Variants in KIAA1217 observed in about 807,000 individuals in gnomAD.
The protein encoded by KIAA1217 is KIAA1217.
In KIAA1217, 88 loss-of-function variants were observed where a neutral mutation model predicts 163.9. That is an observed-to-expected ratio of 0.54 (90% confidence interval 0.45 to 0.64). KIAA1217 has a LOEUF of 0.64. KIAA1217 is among the 30% of genes least tolerant of loss of function. The pLI is 0.00. For synonymous variants in KIAA1217, 903 were observed against 923.1 expected, an observed-to-expected ratio of 0.98 and a Z score of 0.39; for missense variants, 2,372 against 2,475.0, an observed-to-expected ratio of 0.96 and a Z score of 0.88.
intron 2 of KIAA1217, among the ~76,000 whole-genome samples, chr10:24,225,374 T>C (rs1265539014): frequency 6.6e-6 from 1 of 152,174 alleles, no homozygotes; most frequent in Non-Finnish European, 1.5e-5. Context: ...TCCTCTCGCT[T>C]TGACCTCCTA....
chr10:24,305,658 T>A (rs2041925877), intron 2 of KIAA1217, among the ~76,000 whole-genome samples: 2 of 152,234 alleles, frequency 1.3e-5, no homozygotes. Flanking sequence ...GTTATGTTTC[T>A]GTAACTGTTA....
At chr10:24,136,746 T>A (rs1220186065) in intron 2 of KIAA1217, among the ~76,000 whole-genome samples, 1 of 152,230 alleles carries the variant, frequency 6.6e-6, no homozygotes, top group Non-Finnish European at 1.5e-5. Context: ...ACAACATATT[T>A]TGAGTCTGGT....
At chr10:24,395,688 TAA>T (rs1174063919) in intron 3 of KIAA1217, among the ~76,000 whole-genome samples, 9 of 152,282 alleles carry the variant, frequency 5.9e-5, no homozygotes, top group African/African-American at 2.2e-4. Context: ...AGCCTTTTTT[TAA>T]GAGACAGAGT....
chr10:24,410,812 C>T (rs900230667), intron 3 of KIAA1217, among the ~76,000 whole-genome samples: 3 of 152,194 alleles, frequency 2.0e-5, no homozygotes, highest in African/African-American at 7.2e-5. Flanking sequence ...TTTTGTTTTT[C>T]AGCATAAAAG....
At chr10:24,482,996 G>A (rs2064903008) in intron 6 of KIAA1217, 1 of 151,242 alleles carries the variant, frequency 6.6e-6, no homozygotes, top group South Asian at 2.1e-4. Flanking sequence ...CTCCAGCCTG[G>A]GCAACAGAGC....
At chr10:23,968,588 C>T (rs1413888646) in intron 1 of KIAA1217, among the ~76,000 whole-genome samples, 1 of 152,196 alleles carries the variant, frequency 6.6e-6, no homozygotes, top group Non-Finnish European at 1.5e-5. Flanking sequence ...TTTTTGACCT[C>T]CTCATAAGAA....
At chr10:24,116,553 T>G (rs1285557440) in intron 2 of KIAA1217, among the ~76,000 whole-genome samples, 1 of 152,152 alleles carries the variant, frequency 6.6e-6, no homozygotes, top group African/African-American at 2.4e-5. Flanking sequence ...CCAATAAAAC[T>G]TTATTTACAA....
At chr10:24,117,924 C>A (rs1564721526) in intron 2 of KIAA1217, among the ~76,000 whole-genome samples, 1 of 151,712 alleles carries the variant, frequency 6.6e-6, no homozygotes, top group Non-Finnish European at 1.5e-5. Flanking sequence ...AATGCACTCA[C>A]AAAATGCATG....
chr10:24,251,158 G>A lies in KIAA1217; in HGVS notation c.354+31249G>A, dbSNP rs139938342. Among the ~76,000 whole-genome samples, 1,154 of 151,444 alleles carry A rather than the reference G, an allele frequency of 7.6e-3. 14 individuals are homozygous for A. Among genetic ancestry groups the A allele is most frequent in the African/African-American group, 0.027 (1,096 of 41,274 alleles). On this transcript the variant is annotated intron_variant, in intron 2 of 20. Coordinates refer to ENST00000376454, the MANE Select transcript of KIAA1217 (RefSeq NM_019590.5). ...TGAGAATCACTTGAACCCAGGAGGC[G>A]GAGGTTGCAGTGAGCCGAGATCACA...
intron 5 of KIAA1217, among the ~76,000 whole-genome samples, chr10:24,454,974 A>G (rs1405844162): frequency 6.6e-6 from 1 of 152,152 alleles, no homozygotes; most frequent in Non-Finnish European, 1.5e-5. Context: ...ATATATTTAG[A>G]CCAAGGAGCC....
At chr10:24,375,406 G>T (rs1290919556) in intron 2 of KIAA1217, among the ~76,000 whole-genome samples, 1 of 152,238 alleles carries the variant, frequency 6.6e-6, no homozygotes, top group African/African-American at 2.4e-5. Flanking sequence ...AGCTTCCAAA[G>T]TGAGAGTTTA....
chr10:23,773,526 G>C (rs1038934589), intron 1 of KIAA1217, among the ~76,000 whole-genome samples: 3 of 151,860 alleles, frequency 2.0e-5, no homozygotes, highest in Admixed American at 2.0e-4. Context: ...TGATGGGGAT[G>C]GCATTGAATC....
intron 1 of KIAA1217, among the ~76,000 whole-genome samples, chr10:23,759,560 T>C (rs1449449438): frequency 6.6e-6 from 1 of 152,242 alleles, no homozygotes; most frequent in East Asian, 1.9e-4. Context: ...TATATGGCTC[T>C]TTTACGATGA....
intron 2 of KIAA1217, among the ~76,000 whole-genome samples, chr10:24,199,215 G>A (rs1480099389): frequency 1.3e-5 from 2 of 152,152 alleles, no homozygotes; most frequent in African/African-American, 4.8e-5. Context: ...CTGGGTGACA[G>A]AGAAAGACCC....
chr10:23,766,885 C>A (rs1834555831), intron 1 of KIAA1217, among the ~76,000 whole-genome samples: 1 of 152,166 alleles, frequency 6.6e-6, no homozygotes, highest in Non-Finnish European at 1.5e-5. Flanking sequence ...AGCCATCATG[C>A]CCAGCTGGAA....
At chr10:24,263,220 T>C (rs990224241) in intron 2 of KIAA1217, among the ~76,000 whole-genome samples, 4 of 152,242 alleles carry the variant, frequency 2.6e-5, no homozygotes, top group Admixed American at 2.0e-4. Flanking sequence ...CAACTATGCA[T>C]AAACTTTCCA....
intron 6 of KIAA1217, among the ~76,000 whole-genome samples, chr10:24,478,104 T>C (rs1213660737): frequency 6.6e-6 from 1 of 152,226 alleles, no homozygotes; most frequent in Non-Finnish European, 1.5e-5. Context: ...AATCGGTGGC[T>C]GTGCTTTCTG....
chr10:24,061,446 G>A (rs1322662497), intron 2 of KIAA1217, among the ~76,000 whole-genome samples: 1 of 152,160 alleles, frequency 6.6e-6, no homozygotes, highest in Non-Finnish European at 1.5e-5. Flanking sequence ...AGTAATAACA[G>A]TATTCTCTAT....
At chr10:24,080,376 C>T (rs55763930) in intron 2 of KIAA1217, among the ~76,000 whole-genome samples, 14,404 of 152,094 alleles carry the variant, frequency 0.095, 1,023 homozygotes, top group African/African-American at 0.2. Context: ...AAGAAGGGAC[C>T]CTCTGTCCTT....
Sources: gnomAD v4.1 joint callset for allele counts (sites outside exome capture counted in the v4.1 genomes callset) on GRCh38, gnomAD v4.1.1 for gene constraint, MANE v1.5 for transcripts, NCBI Gene and HGNC (gene_info 2026-07-23, HGNC 2026-07-21) for gene names.